Variants in PLXDC2 observed in about 807,000 individuals in gnomAD.
PLXDC2 encodes the protein plexin domain containing 2, also known as plexin domain-containing protein 2.
A neutral mutation model predicts 68.9 loss-of-function variants in PLXDC2; 40 were observed. That is an observed-to-expected ratio of 0.58 (90% confidence interval 0.45 to 0.76). The LOEUF is 0.76. Among genes scored for constraint, PLXDC2 ranks in the 30% least tolerant of loss-of-function variants. The pLI, the probability that PLXDC2 is intolerant of heterozygous loss-of-function variation, is 0.00. For synonymous variants in PLXDC2, 243 were observed against 234.2 expected (o/e 1.04, Z -0.34); for missense variants, 644 against 661.9 (o/e 0.97, Z 0.30).
intron 1 of PLXDC2, among the ~76,000 whole-genome samples, chr10:19,829,758 T>C (rs1836651375): frequency 6.6e-6 from 1 of 151,800 alleles, no homozygotes; most frequent in African/African-American, 2.4e-5. Context: ...AAAGTCAAAA[T>C]GTACAGAGAA....
intron 13 of PLXDC2, among the ~76,000 whole-genome samples, chr10:20,252,394 AT>A (rs1835688651): frequency 6.6e-6 from 1 of 152,214 alleles, no homozygotes; most frequent in Non-Finnish European, 1.5e-5. Flanking sequence ...GATTAAATAA[AT>A]TTTATTACAA....
At chr10:19,998,060 G>A (rs922936162) in intron 1 of PLXDC2, among the ~76,000 whole-genome samples, 5 of 152,168 alleles carry the variant, frequency 3.3e-5, no homozygotes, top group Admixed American at 2.6e-4. Flanking sequence ...TCCATCAGTG[G>A]TTTAATTAAC....
chr10:20,241,243 C>T (rs1486586175), intron 12 of PLXDC2, among the ~76,000 whole-genome samples: 1 of 152,202 alleles, frequency 6.6e-6, no homozygotes. Context: ...GTTTACCACA[C>T]TCAAGGTGCA....
At chr10:20,235,871 T>C (rs946689203) in intron 12 of PLXDC2, among the ~76,000 whole-genome samples, 2 of 152,200 alleles carry the variant, frequency 1.3e-5, no homozygotes, top group Non-Finnish European at 2.9e-5. Flanking sequence ...AGTCACTCTG[T>C]TCTGTACCTC....
intron 13 of PLXDC2, among the ~76,000 whole-genome samples, chr10:20,255,474 A>T (rs1036930052): frequency 5.3e-5 from 8 of 152,156 alleles, no homozygotes; most frequent in African/African-American, 1.9e-4. Context: ...TAAAATAAAT[A>T]CTTAAGCCTT....
chr10:19,842,309 G>A (rs2131318802), intron 1 of PLXDC2, among the ~76,000 whole-genome samples: 1 of 152,290 alleles, frequency 6.6e-6, no homozygotes, highest in African/African-American at 2.4e-5. Context: ...TGTTATCTAT[G>A]TCTCTTCACT....
chr10:19,977,216 T>A (rs1299888125), intron 1 of PLXDC2, among the ~76,000 whole-genome samples: 1 of 152,228 alleles, frequency 6.6e-6, no homozygotes, highest in Non-Finnish European at 1.5e-5. Flanking sequence ...CAGGTCTTTT[T>A]ATCGGTCTTT....
intron 1 of PLXDC2, among the ~76,000 whole-genome samples, chr10:19,949,123 C>CAAAAAAAAAAAAAAAAA (rs60138814): frequency 1.2e-5 from 1 of 82,920 alleles, no homozygotes; most frequent in Non-Finnish European, 2.1e-5. Flanking sequence ...GAGACTTTGT[C>CAAAAAAAAAAAAAAAAA]AAAAAAAAAA....
In PLXDC2 at chr10:20,168,948, A is replaced by C. The variant is rs952784124; in HGVS notation, c.883+4381A>C. On this transcript the variant is annotated intron_variant, in intron 7 of 13. Transcript: ENST00000377252. ...AGATACCCACATTAAGAAAATTGGC[A>C]TTATGCTGTAAATTATTCTGCCCCC... 5.3e-5 allele frequency among the ~76,000 whole-genome samples: 8 copies of C among 152,282 alleles called. No individual in the cohort carries two copies. In the South Asian group the frequency reaches 1.0e-3, roughly 20 times the overall value.
intron 6 of PLXDC2, among the ~76,000 whole-genome samples, chr10:20,153,037 CT>C (rs1206423710): frequency 6.6e-5 from 10 of 152,148 alleles, no homozygotes. Flanking sequence ...CTTCAGGGAT[CT>C]CCACTAAAGA....
At chr10:20,177,268 T>A in intron 8 of PLXDC2, 60 bp from the exon 9 acceptor site, 1 of 1,437,050 alleles carries the variant, frequency 7.0e-7, no homozygotes. Context: ...GGTTGAGTAA[T>A]CTCTTTCCCC....
At chr10:19,988,142 T>C (rs370415101) in intron 1 of PLXDC2, among the ~76,000 whole-genome samples, 1 of 152,184 alleles carries the variant, frequency 6.6e-6, no homozygotes, top group Admixed American at 6.5e-5. Flanking sequence ...TCACATGAGC[T>C]TACTATCCTT....
At chr10:19,910,282 T>C (rs1362239596) in intron 1 of PLXDC2, among the ~76,000 whole-genome samples, 1 of 151,940 alleles carries the variant, frequency 6.6e-6, no homozygotes, top group Non-Finnish European at 1.5e-5. Flanking sequence ...AGGATGCTGC[T>C]GCTGTACGAT....
chr10:20,139,498 G>A (rs953561750), intron 4 of PLXDC2, among the ~76,000 whole-genome samples: 1 of 152,158 alleles, frequency 6.6e-6, no homozygotes, highest in Non-Finnish European at 1.5e-5. Flanking sequence ...AAATAAAATA[G>A]TTAAAACATA....
chr10:20,167,401 T>A (rs1458976841), intron 7 of PLXDC2, among the ~76,000 whole-genome samples: 1 of 152,158 alleles, frequency 6.6e-6, no homozygotes, highest in Non-Finnish European at 1.5e-5. Flanking sequence ...AGTTCTTTTG[T>A]GAGAAATAAG....
At chr10:20,022,146 T>C (rs1271591582) in intron 2 of PLXDC2, among the ~76,000 whole-genome samples, 3 of 152,244 alleles carry the variant, frequency 2.0e-5, no homozygotes, top group Admixed American at 2.0e-4. Flanking sequence ...TTATCAACTG[T>C]CATCTAGAAA....
At chr10:20,222,488 C>A (rs762511858) in intron 12 of PLXDC2, among the ~76,000 whole-genome samples, 1 of 152,142 alleles carries the variant, frequency 6.6e-6, no homozygotes, top group Non-Finnish European at 1.5e-5. Context: ...CCAGTTAGAG[C>A]CTCTTAAAGT....
chr10:20,249,739 G>A (rs1165831210), intron 13 of PLXDC2, among the ~76,000 whole-genome samples: 1 of 152,138 alleles, frequency 6.6e-6, no homozygotes, highest in East Asian at 1.9e-4. Flanking sequence ...TTAGGACATG[G>A]ACATCTTTGG....
intron 9 of PLXDC2, among the ~76,000 whole-genome samples, chr10:20,206,455 C>A (rs1188421110): frequency 6.6e-6 from 1 of 152,000 alleles, no homozygotes; most frequent in South Asian, 2.1e-4. Flanking sequence ...ATTGGGTTTG[C>A]CAGTTGGGTA....
Sources: allele counts gnomAD v4.1 joint callset (sites outside exome capture counted in the v4.1 genomes callset), GRCh38; gene constraint gnomAD v4.1.1; transcripts MANE v1.5; gene names NCBI Gene and HGNC (gene_info 2026-07-23, HGNC 2026-07-21).